The following DPP6 variants were observed in gnomAD, a reference collection of about 807,000 sequenced individuals.
DPP6 encodes the protein A-type potassium channel modulatory protein DPP6.
DPP6 carries 69 observed loss-of-function variants against 122.6 expected under a neutral mutation model. The observed-to-expected ratio is 0.56, with a 90% confidence interval of 0.46 to 0.69. DPP6 has a LOEUF of 0.69. DPP6 is among the 30% of genes least tolerant of loss of function. DPP6 has a pLI of 0.00. For synonymous variants in DPP6, 418 were observed against 433.1 expected, an observed-to-expected ratio of 0.97 and a Z score of 0.43; for missense variants, 928 against 1,116.9, an observed-to-expected ratio of 0.83 and a Z score of 2.41.
intron 7 of DPP6, among the ~76,000 whole-genome samples, chr7:154,695,894 C>G (rs1275480874): frequency 1.3e-5 from 2 of 152,188 alleles, no homozygotes; most frequent in African/African-American, 4.8e-5. Flanking sequence ...CCTTCCTGAT[C>G]AAACAAGCGG....
At chr7:154,499,717 ATC>A (rs2151406645) in intron 3 of DPP6, among the ~76,000 whole-genome samples, 1 of 152,198 alleles carries the variant, frequency 6.6e-6, no homozygotes, top group African/African-American at 2.4e-5. Flanking sequence ...GTCATAGTGA[ATC>A]TCTGTTTCCT....
At chr7:153,955,946 C>G (rs1802440624) in intron 1 of DPP6, among the ~76,000 whole-genome samples, 1 of 152,114 alleles carries the variant, frequency 6.6e-6, no homozygotes, top group African/African-American at 2.4e-5. Flanking sequence ...TGTGGAGTGA[C>G]AGATGTGGCC....
the DPP6 span, among the ~76,000 whole-genome samples, chr7:153,838,853 C>T: frequency 5.9e-5 from 9 of 152,240 alleles, no homozygotes; most frequent in Admixed American, 4.6e-4. Context: ...TCTGATTGTT[C>T]CAGCTTATAA....
rs79126183 is a variant in DPP6 at position 154,799,070 on chromosome 7, G to A, written c.1300-2285G>A. ...GAAGCTTGCCCCAGCTGGCCCAGGA[G>A]AAACTGGCATCTGGAAGGTCCTGCA... On this transcript the variant is annotated intron_variant, in intron 12 of 25. Coordinates refer to ENST00000377770, the MANE Select transcript of DPP6 (RefSeq NM_130797.4). Among the ~76,000 whole-genome samples the A allele has an allele frequency of 4.1e-3, 630 of 152,264 alleles. 8 individuals are homozygous for A. The East Asian group carries it at 0.052, about 13-fold the overall frequency.
intron 1 of DPP6, among the ~76,000 whole-genome samples, chr7:154,394,966 T>C (rs1455748564): frequency 6.6e-6 from 1 of 152,232 alleles, no homozygotes; most frequent in Non-Finnish European, 1.5e-5. Context: ...TGAGTCTGTA[T>C]ATCACTTTGT....
the DPP6 span, among the ~76,000 whole-genome samples, chr7:153,863,260 G>GAACTC: frequency 6.6e-6 from 1 of 152,252 alleles, no homozygotes; most frequent in South Asian, 2.1e-4. Context: ...CAAAGGACAT[G>GAACTC]AACTCATCCT....
intron 1 of DPP6, among the ~76,000 whole-genome samples, chr7:154,285,513 C>T (rs540036828): frequency 1.1e-4 from 17 of 152,336 alleles, no homozygotes; most frequent in African/African-American, 4.1e-4. Context: ...GATCTGCCCA[C>T]CTTGGCCTCA....
rs35331884 is a variant in DPP6 at position 154,052,622 on chromosome 7, C to T, written c.-199C>T. 391 of 1,266,816 alleles carry T rather than the reference C, an allele frequency of 3.1e-4. 1 individual carries two copies. The highest frequency in any genetic ancestry group is 1.3e-3 in the Middle Eastern group (4 of 3,066). The allele number at this position is 1,266,816 out of a possible 1,614,324, so 78.5% of individuals were successfully genotyped here. A position where few individuals can be genotyped will look rare whatever the true frequency, so the allele number is the denominator to read the frequency against. ...AGGGGGCGGAGGAGGCTGAGCCAGG[C>T]AGAGTCGCCAGCGGAGACTCGCGAG... On this transcript the variant is annotated 5_prime_UTR_variant, in exon 1 of 26. Transcript: ENST00000377770. The surrounding 1 kb of genome is among the most constrained non-coding windows in gnomAD (Gnocchi z 4.8).
intron 7 of DPP6, among the ~76,000 whole-genome samples, chr7:154,703,894 G>C (rs546925069): frequency 1.8e-4 from 28 of 151,434 alleles, no homozygotes; most frequent in Non-Finnish European, 3.4e-4. Flanking sequence ...CCAAGATCGC[G>C]CCACTGCGCT....
chr7:154,293,986 T>C (rs553330187), intron 1 of DPP6, among the ~76,000 whole-genome samples: 13 of 152,326 alleles, frequency 8.5e-5, no homozygotes, highest in Admixed American at 2.0e-4. Context: ...GAGCCAGTTA[T>C]GGAGTCCCTA....
At chr7:153,990,603 C>T (rs1284300489) in intron 1 of DPP6, among the ~76,000 whole-genome samples, 1 of 152,064 alleles carries the variant, frequency 6.6e-6, no homozygotes, top group Non-Finnish European at 1.5e-5. Flanking sequence ...TTGGCCCTCG[C>T]CTGCCCTGGA....
rs559738151 is a variant in DPP6 at position 154,257,859 on chromosome 7, G to A, written c.244-188355G>A. 3.9e-5 allele frequency among the ~76,000 whole-genome samples: 6 copies of A among 152,302 alleles called. No homozygotes were observed. The South Asian group carries it at 1.0e-3, about 26-fold the overall frequency. On this transcript the variant is annotated intron_variant, in intron 1 of 25. Transcript: ENST00000377770. Reference sequence around the variant, plus strand: ...CTTGTGCAATTTAGTGGAGTAAATGGCACGGCCACATGACCTTGTTTGGCT... The same window carrying A: ...CTTGTGCAATTTAGTGGAGTAAATGACACGGCCACATGACCTTGTTTGGCT...
At chr7:154,171,153 C>G (rs1797516316) in intron 1 of DPP6, among the ~76,000 whole-genome samples, 1 of 152,214 alleles carries the variant, frequency 6.6e-6, no homozygotes, top group Admixed American at 6.5e-5. Flanking sequence ...GGGCTAGCTG[C>G]CTAACTTCTT....
intron 2 of DPP6, among the ~76,000 whole-genome samples, chr7:154,450,370 A>G (rs1820255772): frequency 6.6e-6 from 1 of 152,222 alleles, no homozygotes; most frequent in Non-Finnish European, 1.5e-5. Flanking sequence ...AATATTATAT[A>G]TTTTAAAAAC....
intron 1 of DPP6, among the ~76,000 whole-genome samples, chr7:153,960,626 C>A (rs1433918594): frequency 1.5e-5 from 1 of 66,894 alleles, no homozygotes; most frequent in Non-Finnish European, 2.8e-5. Flanking sequence ...AGCTTAGCAG[C>A]CTGTCTGTGT....
chr7:154,306,690 A>G lies in DPP6; in HGVS notation c.244-139524A>G, dbSNP rs146313000. Among the ~76,000 whole-genome samples the G allele has an allele frequency of 4.0e-3, 610 of 152,312 alleles. 7 individuals carry two copies. Among genetic ancestry groups the G allele is most frequent in the African/African-American group, 0.014 (577 of 41,578 alleles). The stretch of plus-strand genomic sequence containing the variant: ...GCCCATTTATCGATAAAAGGGGGCC[A>G]TTTTATTAGTACCATCATTATCATC... On this transcript the variant is annotated intron_variant, in intron 1 of 25. Coordinates refer to ENST00000377770, the MANE Select transcript of DPP6 (RefSeq NM_130797.4).
intron 7 of DPP6, among the ~76,000 whole-genome samples, chr7:154,713,355 T>C (rs1764392943): frequency 6.6e-6 from 1 of 152,246 alleles, no homozygotes; most frequent in Admixed American, 6.5e-5. Flanking sequence ...AGTTCCACTA[T>C]GCAGTGCCCC....
At chr7:154,413,487 C>A (rs987572551) in intron 1 of DPP6, among the ~76,000 whole-genome samples, 5 of 152,164 alleles carry the variant, frequency 3.3e-5, no homozygotes, top group Admixed American at 3.3e-4. Context: ...ATCTTTTATT[C>A]ATATGCCATT....
intron 4 of DPP6, among the ~76,000 whole-genome samples, chr7:154,543,474 C>A (rs1828894214): frequency 6.6e-6 from 1 of 152,128 alleles, no homozygotes; most frequent in Non-Finnish European, 1.5e-5. Context: ...GAAGGGCCTG[C>A]AAATCACTGC....
Sources: allele counts gnomAD v4.1 joint callset (sites outside exome capture counted in the v4.1 genomes callset), GRCh38; gene constraint gnomAD v4.1.1; non-coding constraint Gnocchi (gnomAD v3.1); transcripts MANE v1.5; gene names NCBI Gene and HGNC (gene_info 2026-07-23, HGNC 2026-07-21).